The following SERGEF variants were observed in gnomAD, a reference collection of about 807,000 sequenced individuals.
SERGEF encodes the protein secretion-regulating guanine nucleotide exchange factor.
In SERGEF, 51 loss-of-function variants were observed where a neutral mutation model predicts 50.0. That is an observed-to-expected ratio of 1.02 (90% CI 0.81 to 1.29). The LOEUF is 1.29. Among genes scored for constraint, SERGEF ranks in the 50% most tolerant of loss-of-function variants. SERGEF has a pLI of 0.00. For missense variants in SERGEF, 521 were observed against 557.0 expected (o/e 0.94, Z 0.65); for synonymous variants, 205 against 212.4 (o/e 0.97, Z 0.30).
chr11:17,932,369 A>G (rs1590204892), intron 9 of SERGEF, among the ~76,000 whole-genome samples: 1 of 152,196 alleles, frequency 6.6e-6, no homozygotes, highest in South Asian at 2.1e-4. Context: ...AGACTCAGCA[A>G]TCATAATTAA....
chr11:17,835,605 T>C (rs1166713094), intron 10 of SERGEF, among the ~76,000 whole-genome samples: 1 of 152,220 alleles, frequency 6.6e-6, no homozygotes, highest in Admixed American at 6.5e-5. Flanking sequence ...ATCTCCCTCA[T>C]GCCTAGCACA....
chr11:17,947,513 G>A (rs1419696059), intron 9 of SERGEF, among the ~76,000 whole-genome samples: 1 of 152,202 alleles, frequency 6.6e-6, no homozygotes, highest in African/African-American at 2.4e-5. Context: ...CCTCTTGGGT[G>A]GCTCTGTTTA....
intron 9 of SERGEF, among the ~76,000 whole-genome samples, chr11:17,911,575 C>T (rs922764051): frequency 4.0e-5 from 6 of 151,682 alleles, no homozygotes; most frequent in African/African-American, 1.5e-4. Flanking sequence ...GTAATCTCCA[C>T]CTCCCAGGCT....
intron 9 of SERGEF, chr11:17,918,804 T>G (rs1023356498): frequency 9.8e-6 from 4 of 409,916 alleles, no homozygotes; most frequent in East Asian, 7.7e-5. Flanking sequence ...GAATATGGAT[T>G]AGGCAAAAAG....
intron 8 of SERGEF, among the ~76,000 whole-genome samples, chr11:17,984,384 G>C (rs879591048): frequency 2.0e-5 from 3 of 152,150 alleles, no homozygotes; most frequent in African/African-American, 4.8e-5. Context: ...AAGGCAGCAA[G>C]AGGGAAATGG....
intron 8 of SERGEF, among the ~76,000 whole-genome samples, chr11:17,964,440 C>T (rs1225628359): frequency 6.6e-6 from 1 of 152,126 alleles, no homozygotes; most frequent in Non-Finnish European, 1.5e-5. Flanking sequence ...GAAATTTCTA[C>T]CCTGTTCTAG....
intron 8 of SERGEF, among the ~76,000 whole-genome samples, chr11:17,970,277 T>C: frequency 6.6e-6 from 1 of 152,184 alleles, no homozygotes; most frequent in Admixed American, 6.5e-5. Flanking sequence ...TCTGTTATGG[T>C]GATCTGTAAT....
chr11:17,796,447 C>CATGAATGG (rs1849573374), intron 10 of SERGEF, among the ~76,000 whole-genome samples: 1 of 152,194 alleles, frequency 6.6e-6, no homozygotes, highest in Non-Finnish European at 1.5e-5. Context: ...GCTCTGCCCT[C>CATGAATGG]ATGAATGGAT....
intron 9 of SERGEF, among the ~76,000 whole-genome samples, chr11:17,885,068 T>A (rs1222821474): frequency 6.6e-6 from 1 of 152,128 alleles, no homozygotes; most frequent in Non-Finnish European, 1.5e-5. Flanking sequence ...CCTCTGATAC[T>A]CTCCTCTTTT....
intron 9 of SERGEF, among the ~76,000 whole-genome samples, chr11:17,882,534 T>C (rs560783352): frequency 1.1e-4 from 16 of 152,048 alleles, no homozygotes; most frequent in Non-Finnish European, 2.2e-4. Flanking sequence ...CCCACAGCAC[T>C]ATGTATCATG....
At chr11:17,995,096 G>T (rs1242613064) in intron 6 of SERGEF, among the ~76,000 whole-genome samples, 1 of 152,182 alleles carries the variant, frequency 6.6e-6, no homozygotes, top group African/African-American at 2.4e-5. Flanking sequence ...AGCAGAGAGA[G>T]AGAAAGAAAG....
At chr11:17,943,324 AT>A (rs1458821674) in intron 9 of SERGEF, among the ~76,000 whole-genome samples, 2 of 152,132 alleles carry the variant, frequency 1.3e-5, no homozygotes, top group African/African-American at 4.8e-5. Context: ...TTTTTCAAAA[AT>A]TAATCCATTT....
chr11:17,968,690 C>G (rs1376023865), intron 8 of SERGEF, among the ~76,000 whole-genome samples: 1 of 141,302 alleles, frequency 7.1e-6, no homozygotes, highest in Non-Finnish European at 1.5e-5. Context: ...AGTGACAGAA[C>G]AAGAACCTGT....
chr11:17,829,463 G>A (rs1160672914), intron 10 of SERGEF, among the ~76,000 whole-genome samples: 2 of 152,154 alleles, frequency 1.3e-5, no homozygotes, highest in Admixed American at 6.5e-5. Flanking sequence ...AAAGGGCTAT[G>A]CCACTTTAAA....
intron 9 of SERGEF, among the ~76,000 whole-genome samples, chr11:17,948,702 T>A (rs993136230): frequency 4.6e-5 from 7 of 152,236 alleles, no homozygotes; most frequent in African/African-American, 1.7e-4. Flanking sequence ...GAGGCCCCTG[T>A]GGGAGCCACA....
At chr11:17,899,709 T>C (rs1394543244) in intron 9 of SERGEF, among the ~76,000 whole-genome samples, 3 of 152,018 alleles carry the variant, frequency 2.0e-5, no homozygotes, top group African/African-American at 4.8e-5. Context: ...TCCCAGCACT[T>C]TGGGAGGCTG....
chr11:17,940,971 C>T (rs1044754756), intron 9 of SERGEF, among the ~76,000 whole-genome samples: 1 of 152,118 alleles, frequency 6.6e-6, no homozygotes, highest in East Asian at 1.9e-4. Context: ...TTTTTAAACA[C>T]ACAGAAAAGC....
chr11:17,863,916 A>G (rs771092522), intron 10 of SERGEF, among the ~76,000 whole-genome samples: 1 of 152,262 alleles, frequency 6.6e-6, no homozygotes, highest in African/African-American at 2.4e-5. Flanking sequence ...GTTTGTGGAC[A>G]TGAAGACAGA....
In SERGEF at chr11:17,991,274, T is replaced by A. The variant is rs767531539; in HGVS notation, c.685+1657A>T. Among the ~76,000 whole-genome samples, 42 of 152,186 alleles carry A rather than the reference T, an allele frequency of 2.8e-4. No homozygotes were observed. The highest frequency in any genetic ancestry group is 4.3e-4 in the Non-Finnish European group (29 of 68,026). ...TTAATTAAAATATTCAACATTTATA[T>A]ATAAATAACACCATAATAAAAGTGC... On this transcript the variant is annotated intron_variant, in intron 7 of 10. Transcript: ENST00000265965. This position sits in a 1 kb window ranked among gnomAD's most constrained non-coding sequence, Gnocchi z 4.9.
Sources: gnomAD v4.1 joint callset for allele counts (sites outside exome capture counted in the v4.1 genomes callset) on GRCh38, gnomAD v4.1.1 for gene constraint, Gnocchi (gnomAD v3.1) non-coding constraint, MANE v1.5 for transcripts, NCBI Gene and HGNC (gene_info 2026-07-23, HGNC 2026-07-21) for gene names.